The following TENM3 variants were observed in gnomAD, a reference collection of about 807,000 sequenced individuals.
TENM3 encodes the protein teneurin-3.
TENM3 carries 63 observed loss-of-function variants against 255.1 expected under a neutral mutation model. The observed-to-expected ratio is 0.25, with a 90% confidence interval of 0.20 to 0.30. The LOEUF is 0.30. Ranked by LOEUF, TENM3 falls within the 10% of genes least tolerant of loss-of-function variation. The pLI is 1.00. For synonymous variants in TENM3, 1,306 were observed against 1,322.3 expected (o/e 0.99, Z 0.27); for missense variants, 2,929 against 3,461.1 (o/e 0.85, Z 3.86).
intron 3 of TENM3, among the ~76,000 whole-genome samples, chr4:182,568,330 G>A (rs565223224): frequency 3.3e-5 from 5 of 152,200 alleles, no homozygotes; most frequent in Non-Finnish European, 7.3e-5. Context: ...ACCAAAACCT[G>A]CAGAAGAGAG....
chr4:182,724,952 A>G (rs1760045164), intron 13 of TENM3, among the ~76,000 whole-genome samples: 1 of 152,252 alleles, frequency 6.6e-6, no homozygotes, highest in East Asian at 1.9e-4. Flanking sequence ...GTACTATATC[A>G]TAAAACACAT....
At chr4:182,062,587 A>C in the TENM3 span, among the ~76,000 whole-genome samples, 1 of 152,240 alleles carries the variant, frequency 6.6e-6, no homozygotes, top group African/African-American at 2.4e-5. Flanking sequence ...AAACCTTTCC[A>C]TGACTACCAA....
chr4:181,581,921 T>C, the TENM3 span, among the ~76,000 whole-genome samples: 1 of 151,910 alleles, frequency 6.6e-6, no homozygotes, highest in African/African-American at 2.4e-5. Context: ...TTAGTAGAGA[T>C]TGAGTTTCGC....
At chr4:181,542,065 C>T in the TENM3 span, among the ~76,000 whole-genome samples, 4 of 152,244 alleles carry the variant, frequency 2.6e-5, no homozygotes, top group Non-Finnish European at 4.4e-5. Context: ...CCCCTCCCTC[C>T]TAGAGCTTAA....
chr4:181,474,293 AC>A, the TENM3 span, among the ~76,000 whole-genome samples: 1 of 97,662 alleles, frequency 1.0e-5, no homozygotes, highest in Non-Finnish European at 2.5e-5. Flanking sequence ...CTGCACATGT[AC>A]CCCCCAGAAC....
the TENM3 span, among the ~76,000 whole-genome samples, chr4:182,016,969 C>T: frequency 1.3e-5 from 2 of 152,170 alleles, no homozygotes; most frequent in Admixed American, 1.3e-4. Context: ...TGGATTTTAT[C>T]AGGAGTTCAT....
At chr4:182,662,528 C>T (rs1213901119) in intron 6 of TENM3, among the ~76,000 whole-genome samples, 5 of 152,152 alleles carry the variant, frequency 3.3e-5, no homozygotes, top group Admixed American at 6.6e-5. Flanking sequence ...AGTTTTCCTC[C>T]TTTTCCTTTT....
rs1553966183 is a variant in TENM3, at chr4:182,497,878, A to ATATG, written c.512-103043_512-103042insGTAT. 6.9e-3 allele frequency among the ~76,000 whole-genome samples: 982 copies of ATATG among 143,002 alleles called. 10 individuals are homozygous for ATATG. Among genetic ancestry groups the ATATG allele is most frequent in the African/African-American group, 0.017 (622 of 37,206 alleles). 93.8% of individuals were successfully genotyped at this position (143,002 alleles called of 152,430 possible). On this transcript the variant is annotated intron_variant, in intron 3 of 27. Transcript: ENST00000511685. ...TATATATATATATATATATATATAT[A>ATATG]TATATCTCAACCTAGATGTATATAG...
At chr4:181,470,748 T>C in the TENM3 span, among the ~76,000 whole-genome samples, 4 of 152,182 alleles carry the variant, frequency 2.6e-5, no homozygotes, top group African/African-American at 9.7e-5. Flanking sequence ...CCATTTTTTG[T>C]TCTTCTTTGA....
chr4:182,629,768 A>G (rs760042428), intron 5 of TENM3, among the ~76,000 whole-genome samples: 3 of 152,164 alleles, frequency 2.0e-5, no homozygotes, highest in Non-Finnish European at 4.4e-5. Flanking sequence ...ACTGAATAAG[A>G]GTATTGCAGA....
At chr4:181,841,107 C>A in the TENM3 span, among the ~76,000 whole-genome samples, 1 of 151,978 alleles carries the variant, frequency 6.6e-6, no homozygotes, top group African/African-American at 2.4e-5. Context: ...ATAAAATATT[C>A]TTATGGGATG....
rs899735030 is a variant in TENM3, at chr4:182,630,772, A to AT, written c.988+1893dup. 1.2e-4 allele frequency among the ~76,000 whole-genome samples: 18 copies of AT among 149,480 alleles called. No individual in the cohort carries two copies. The South Asian group carries it at 1.9e-3, about 16-fold the overall frequency. The stretch of plus-strand genomic sequence containing the variant: ...TTATTTATTTTATTTTATTATTATT[A>AT]TTTTTTTTTTACTAAATGGGGCACA... On this transcript the variant is annotated intron_variant, in intron 5 of 27. Coordinates refer to ENST00000511685, the MANE Select transcript of TENM3 (RefSeq NM_001080477.4).
chr4:182,275,646 G>C (rs561198743), intron 1 of TENM3, among the ~76,000 whole-genome samples: 2 of 152,282 alleles, frequency 1.3e-5, no homozygotes, highest in South Asian at 4.1e-4. Flanking sequence ...AAAGAAGAGA[G>C]ATGTTATGGG....
chr4:182,085,909 T>C, the TENM3 span, among the ~76,000 whole-genome samples: 2 of 152,214 alleles, frequency 1.3e-5, no homozygotes, highest in Non-Finnish European at 1.5e-5. Context: ...GAAAGAGAAG[T>C]ATGAATCTTG....
chr4:181,460,900 G>A, the TENM3 span, among the ~76,000 whole-genome samples: 8 of 151,422 alleles, frequency 5.3e-5, no homozygotes, highest in African/African-American at 1.9e-4. Flanking sequence ...TAAAGAGTCA[G>A]TTATCTTATA....
At chr4:182,262,727 T>TC (rs1758898089) in intron 1 of TENM3, among the ~76,000 whole-genome samples, 1 of 149,402 alleles carries the variant, frequency 6.7e-6, no homozygotes, top group Admixed American at 6.6e-5. Context: ...TTTCTTTTTT[T>TC]TTTTTTTTTT....
chr4:182,194,151 TCA>T (rs1343101280), intron 1 of TENM3, among the ~76,000 whole-genome samples: 14 of 152,346 alleles, frequency 9.2e-5, no homozygotes, highest in African/African-American at 3.4e-4. Flanking sequence ...CTGGTGTACT[TCA>T]CCAGTTTCAA....
chr4:182,101,479 C>A, the TENM3 span, among the ~76,000 whole-genome samples: 1 of 152,158 alleles, frequency 6.6e-6, no homozygotes, highest in Non-Finnish European at 1.5e-5. Context: ...CTTAGCCCAA[C>A]CCTCTAGACC....
intron 23 of TENM3, 84 bp downstream of exon 23, chr4:182,773,731 A>C: frequency 8.1e-7 from 1 of 1,227,360 alleles, no homozygotes; most frequent in South Asian, 1.5e-5. Context: ...GGTGAACCAG[A>C]AAAGGGAAGG....
Sources: gnomAD v4.1 joint callset for allele counts (sites outside exome capture counted in the v4.1 genomes callset) on GRCh38, gnomAD v4.1.1 for gene constraint, MANE v1.5 for transcripts, NCBI Gene and HGNC (gene_info 2026-07-23, HGNC 2026-07-21) for gene names.